Variants in ATP6V1D observed in about 807,000 individuals in gnomAD.
ATP6V1D encodes V-type proton ATPase subunit D.
ATP6V1D carries 20 observed loss-of-function variants against 39.4 expected under a neutral mutation model. That is an observed-to-expected ratio of 0.51 (90% CI 0.36 to 0.74). The LOEUF is 0.74. Ranked by LOEUF, ATP6V1D falls within the 30% of genes least tolerant of loss-of-function variation. The pLI, the probability that ATP6V1D is intolerant of heterozygous loss-of-function variation, is 0.00. For synonymous variants in ATP6V1D, 100 were observed against 100.5 expected (o/e 0.99, Z 0.03); for missense variants, 228 against 291.6 (o/e 0.78, Z 1.59).
chr14:67,352,740 G>T (rs1401868913), intron 2 of ATP6V1D, 183 bp downstream of exon 2: 5 of 529,350 alleles, frequency 9.4e-6, no homozygotes. Flanking sequence ...TTGCAGGCAA[G>T]ATTAAAGAGT....
At chr14:67,348,223 C>T (rs112383025) in intron 4 of ATP6V1D, among the ~76,000 whole-genome samples, 2,628 of 151,498 alleles carry the variant, frequency 0.017, 33 homozygotes, top group Middle Eastern at 0.031. Flanking sequence ...TACAGGCATG[C>T]GCTACCACGT....
chr14:67,352,943 T>G lies in ATP6V1D; in HGVS notation c.139A>C (p.Ile47Leu). The G allele has an allele frequency of 6.2e-7, 1 of 1,610,130 alleles. No individual in the cohort carries two copies. The change falls in exon 2 of 9, where the codon ATC becomes CTC. Residue 47 changes from isoleucine (I) to leucine (L), a missense_variant. Ile to Leu is a conservative substitution (Grantham distance 5). Coordinates refer to ENST00000216442, the MANE Select transcript of ATP6V1D (RefSeq NM_015994.4). ...SDALTLRFRQ[I>L]LKKIIETKML... ...TCTACCTCTATTATCTTCTTTAGGA[T>G]CTGTCGAAATCGAAGAGTTAAGGCA... is the stretch of plus-strand genomic sequence containing the variant.
At chr14:67,352,227 G>A (rs898510389) in intron 2 of ATP6V1D, among the ~76,000 whole-genome samples, 1 of 151,974 alleles carries the variant, frequency 6.6e-6, no homozygotes, top group Admixed American at 6.6e-5. Flanking sequence ...CAGCACTTTC[G>A]GAGGCCAAGA....
chr14:67,350,541 CT>C, intron 3 of ATP6V1D, 69 bp downstream of exon 3: 2 of 1,347,602 alleles, frequency 1.5e-6, no homozygotes, highest in Non-Finnish European at 2.1e-6. Context: ...TTAAAAAATG[CT>C]TTTTAAATGA....
At chr14:67,359,508 G>C in intron 1 of ATP6V1D, 150 bp downstream of exon 1, 1 of 836,288 alleles carries the variant, frequency 1.2e-6, no homozygotes, top group South Asian at 1.8e-5. Context: ...AGGCCGTCAG[G>C]AAGCCTCGCC....
chr14:67,341,774 C>G (rs930991119), intron 7 of ATP6V1D, among the ~76,000 whole-genome samples: 1 of 152,192 alleles, frequency 6.6e-6, no homozygotes, highest in Non-Finnish European at 1.5e-5. Context: ...ATAGAGAAAT[C>G]GGATGGTTGC....
At chr14:67,348,953 T>C (rs763001003) in intron 4 of ATP6V1D, 84 bp downstream of exon 4, 3 of 1,297,696 alleles carry the variant, frequency 2.3e-6, no homozygotes, top group East Asian at 4.7e-5. Context: ...AACTAGGACA[T>C]TAAGATCTTG....
intron 2 of ATP6V1D, among the ~76,000 whole-genome samples, chr14:67,351,851 G>T (rs147660135): frequency 2.5e-4 from 36 of 144,476 alleles, no homozygotes; most frequent in African/African-American, 9.6e-4. Context: ...AAAAGAAAAG[G>T]CGTGGAAAAA....
intron 1 of ATP6V1D, among the ~76,000 whole-genome samples, chr14:67,359,310 T>C (rs59984712): frequency 0.058 from 8,753 of 152,200 alleles, 517 homozygotes; most frequent in African/African-American, 0.15. Flanking sequence ...GTGAGCTCTG[T>C]AGGGCAGAGG....
intron 3 of ATP6V1D, 78 bp downstream of exon 3, chr14:67,350,533 A>G: frequency 7.7e-7 from 1 of 1,300,346 alleles, no homozygotes; most frequent in Non-Finnish European, 1.1e-6. Context: ...TTTCTAAATT[A>G]AAAAATGCTT....
intron 2 of ATP6V1D, chr14:67,352,702 C>CGG: frequency 2.4e-6 from 1 of 423,234 alleles, no homozygotes; most frequent in Non-Finnish European, 4.2e-6. Context: ...GAGAGGCAGG[C>CGG]GGGGGGCCAA....
chr14:67,359,694 G>A lies in ATP6V1D; in HGVS notation c.5C>T (p.Ser2Leu). 2 of 1,613,958 alleles carry A rather than the reference G, an allele frequency of 1.2e-6. No homozygotes were observed. Among genetic ancestry groups the A allele is most frequent in the Non-Finnish European group, 1.7e-6 (2 of 1,179,994 alleles). Residue 2 changes from serine (S) to leucine (L), a missense_variant, in exon 1 of 9, where the codon TCG becomes TTG. This residue lies in a region of ATP6V1D where 104 missense variants were observed against 120.2 expected (regional missense o/e 0.87). Transcript: ENST00000216442. M[S>L]GKDRIEIFPS... ...AAAGATTTCAATTCGGTCTTTGCCC[G>A]ACATTCTGACGATAACTTTTCGGCT...
At chr14:67,353,466 T>C (rs1566602758) in intron 1 of ATP6V1D, among the ~76,000 whole-genome samples, 1 of 152,066 alleles carries the variant, frequency 6.6e-6, no homozygotes, top group Non-Finnish European at 1.5e-5. Context: ...GGTAAGATAG[T>C]AGCAAGACTC....
intron 8 of ATP6V1D, among the ~76,000 whole-genome samples, chr14:67,339,137 AGGCGCAT>A (rs1335877041): frequency 6.6e-6 from 1 of 151,972 alleles, no homozygotes; most frequent in Non-Finnish European, 1.5e-5. Flanking sequence ...CTGGGAATAC[AGGCGCAT>A]GCTGCCACAC....
chr14:67,350,811 T>G, intron 2 of ATP6V1D, 121 bp from the exon 3 acceptor site: 1 of 929,766 alleles, frequency 1.1e-6, no homozygotes. Flanking sequence ...TAAATATTGG[T>G]TTGATAACGA....
chr14:67,343,336 C>A, intron 7 of ATP6V1D, 36 bp downstream of exon 7: 3 of 1,534,402 alleles, frequency 2.0e-6, no homozygotes, highest in Non-Finnish European at 1.8e-6. Context: ...AGGGTATGGA[C>A]AAGTGACAAA....
At chr14:67,357,370 A>C (rs1486597302) in intron 1 of ATP6V1D, among the ~76,000 whole-genome samples, 1 of 152,250 alleles carries the variant, frequency 6.6e-6, no homozygotes, top group African/African-American at 2.4e-5. Context: ...CAGCTGAATC[A>C]AAGACATCTG....
intron 7 of ATP6V1D, among the ~76,000 whole-genome samples, chr14:67,342,214 A>AAATAAAT (rs1235410568): frequency 1.1e-3 from 108 of 101,964 alleles, no homozygotes; most frequent in African/African-American, 7.1e-3. Context: ...ATAAATAAAT[A>AAATAAAT]AAATAAAATA....
At chr14:67,342,223 T>TTAAAAA (rs1055806138) in intron 7 of ATP6V1D, among the ~76,000 whole-genome samples, 28 of 93,458 alleles carry the variant, frequency 3.0e-4, no homozygotes, top group African/African-American at 1.5e-3. Context: ...TAAAATAAAA[T>TTAAAAA]AAAAAAAAAC....
Sources: gnomAD v4.1 joint callset for allele counts (sites outside exome capture counted in the v4.1 genomes callset) on GRCh38, gnomAD v4.1.1 for gene constraint, gnomAD v4.1.1 regional missense constraint, MANE v1.5 for transcripts, NCBI Gene and HGNC (gene_info 2026-07-23, HGNC 2026-07-21) for gene names.